Variants in SLFN5 observed in about 807,000 individuals in gnomAD.
SLFN5 encodes the protein schlafen family member 5.
A neutral mutation model predicts 48.5 loss-of-function variants in SLFN5; 34 were observed. The ratio of observed to expected loss-of-function variants is 0.70; its 90% CI spans 0.53 to 0.93. The LOEUF (loss-of-function observed/expected upper bound fraction) is 0.93, where lower values mean the gene tolerates loss of function less well. Among genes scored for constraint, SLFN5 ranks in the 40% least tolerant of loss-of-function variants. The pLI is 0.00. For synonymous variants in SLFN5, 387 were observed against 396.2 expected (o/e 0.98, Z 0.28); for missense variants, 1,006 against 1,071.3 (o/e 0.94, Z 0.85).
At position 35,265,251 on chromosome 17, in the gene SLFN5, G is replaced by T; in HGVS notation, c.2039G>T (p.Trp680Leu). 1.2e-6 allele frequency: 2 copies of T among 1,614,194 alleles called. No individual in the cohort carries two copies. The highest frequency in any genetic ancestry group is 1.7e-6 in the Non-Finnish European group (2 of 1,180,040). Residue 680 changes from tryptophan (W) to leucine (L), a missense_variant, in exon 5 of 5, where the codon TGG becomes TTG. By Grantham distance (61) the Trp-to-Leu change is moderately conservative. Coordinates refer to ENST00000299977, the MANE Select transcript of SLFN5 (RefSeq NM_144975.4). ...QTARDGPGVL[W>L]IFLDYFQTYH... The stretch of plus-strand genomic sequence containing the variant: ...GCAAGGGATGGCCCAGGAGTTCTCT[G>T]GATCTTTCTGGACTACTTTCAGACC...
Position 35,270,624 on chromosome 17 carries a change from A to G in SLFN5, c.*4736A>G, listed in dbSNP as rs1263230550. 6.6e-6 allele frequency: 1 copy of G among 152,252 alleles called. No individual in the cohort carries two copies. The highest frequency in any genetic ancestry group is 6.5e-5 in the Admixed American group (1 of 15,284). The allele number at this position is 152,252 out of a possible 1,614,324, so 9.4% of individuals were successfully genotyped here. On this transcript the variant is annotated 3_prime_UTR_variant, in exon 5 of 5. Transcript: ENST00000299977. Reference sequence around the variant, plus strand: ...GTTGGCCAGACCAAAGCCTAGAACTAAAAAACCCATACCTCAGGGTTTGTC... The same window carrying G: ...GTTGGCCAGACCAAAGCCTAGAACTGAAAAACCCATACCTCAGGGTTTGTC...
rs1287328225 is a variant in SLFN5 at position 35,264,219 on chromosome 17, T to A, written c.1175T>A (p.Leu392His). ...SDRVVYTPES[L>H]YKELFSQHKG... Reference sequence around the variant, plus strand: ...AGAGTGGTATATACTCCAGAAAGCCTCTACAAGGAACTCTTCTCACAACAT... The same window carrying A: ...AGAGTGGTATATACTCCAGAAAGCCACTACAAGGAACTCTTCTCACAACAT... Residue 392 changes from leucine (L) to histidine (H), a missense_variant, in exon 4 of 5, where the codon CTC becomes CAC. By Grantham distance (99) the Leu-to-His change is moderately conservative. Transcript: ENST00000299977. 3.7e-6 allele frequency: 6 copies of A among 1,612,868 alleles called. No homozygotes were observed. Among genetic ancestry groups the A allele is most frequent in the Non-Finnish European group, 5.1e-6 (6 of 1,179,668 alleles).
In SLFN5 at chr17:35,270,512, A is replaced by G. The variant is rs1345507767; in HGVS notation, c.*4624A>G. 6.6e-6 allele frequency: 1 copy of G among 152,302 alleles called. No homozygotes were observed. Among genetic ancestry groups the G allele is most frequent in the Non-Finnish European group, 1.5e-5 (1 of 68,080 alleles). The allele number at this position is 152,302 out of a possible 1,614,324, so 9.4% of individuals were successfully genotyped here. ...ACTGAGGCTGGCACCACCACAGGCC[A>G]GGACAACCGTTGTCACAAAGCCAGG... On this transcript the variant is annotated 3_prime_UTR_variant, in exon 5 of 5. Coordinates refer to ENST00000299977, the MANE Select transcript of SLFN5 (RefSeq NM_144975.4).
rs1017021127 is a variant in SLFN5, at chr17:35,271,923, C to T, written c.*6035C>T. On this transcript the variant is annotated 3_prime_UTR_variant, in exon 5 of 5. Coordinates refer to ENST00000299977, the MANE Select transcript of SLFN5 (RefSeq NM_144975.4). ...GTGTGCACCTATAGTCCTAGCTACT[C>T]GGGAGGCTGAGGTGGGAGAATCACC... 1.3e-5 allele frequency: 2 copies of T among 151,840 alleles called. No individual in the cohort carries two copies. The highest frequency in any genetic ancestry group is 2.9e-5 in the Non-Finnish European group (2 of 68,046). The allele number at this position is 151,840 out of a possible 1,614,324, so 9.4% of individuals were successfully genotyped here.
chr17:35,248,564 A>G (rs1323691285), intron 1 of SLFN5, among the ~76,000 whole-genome samples: 2 of 151,794 alleles, frequency 1.3e-5, no homozygotes, highest in Non-Finnish European at 2.9e-5. Flanking sequence ...TCTCTCTCCT[A>G]TACTTCAGTC....
intron 1 of SLFN5, among the ~76,000 whole-genome samples, chr17:35,258,341 A>G (rs1442492248): frequency 2.0e-5 from 3 of 152,220 alleles, no homozygotes; most frequent in Non-Finnish European, 4.4e-5. Flanking sequence ...CAGGCAAGAT[A>G]GAAATGAAAG....
In SLFN5 at chr17:35,260,961, G is replaced by A; in HGVS notation, c.1013-10G>A. The A allele has an allele frequency of 1.2e-6, 2 of 1,612,632 alleles. No homozygotes were observed. The highest frequency in any genetic ancestry group is 1.7e-6 in the Non-Finnish European group (2 of 1,179,240). ...TTTGCATATTGAATCCTTGGTTCTT[G>A]TTTCCTAAGACCTTTCCAGGTGTCC... On this transcript the variant is annotated splice_polypyrimidine_tract_variant and intron_variant, in intron 2 of 4. Transcript: ENST00000299977.
intron 1 of SLFN5, among the ~76,000 whole-genome samples, chr17:35,257,372 A>G (rs1345751104): frequency 3.3e-5 from 5 of 152,168 alleles, no homozygotes; most frequent in Non-Finnish European, 5.9e-5. Context: ...GGTCTTAGAT[A>G]CAATTAATTT....
intron 1 of SLFN5, among the ~76,000 whole-genome samples, chr17:35,251,407 T>C (rs1255659141): frequency 6.6e-6 from 1 of 152,140 alleles, no homozygotes; most frequent in Non-Finnish European, 1.5e-5. Flanking sequence ...TTTTTTTTGT[T>C]TGTTTTTTTG....
In SLFN5 at chr17:35,265,682, G is replaced by C; in HGVS notation, c.2470G>C (p.Asp824His). ...RKLSQLHEES[D>H]LLLQIGDASD... Reference sequence around the variant, plus strand: ...ACTGTCTCAGCTCCATGAGGAGTCTGATCTGTTACTACAGATCGGTGATGC... The same window carrying C: ...ACTGTCTCAGCTCCATGAGGAGTCTCATCTGTTACTACAGATCGGTGATGC... Residue 824 changes from aspartate to histidine, a missense_variant, in exon 5 of 5, where the codon GAT becomes CAT. By Grantham distance (81) the Asp-to-His change is moderately conservative. Transcript: ENST00000299977. The C allele has an allele frequency of 1.2e-6, 2 of 1,614,218 alleles. No homozygotes were observed. The highest frequency in any genetic ancestry group is 1.7e-6 in the Non-Finnish European group (2 of 1,180,016).
intron 1 of SLFN5, among the ~76,000 whole-genome samples, chr17:35,258,298 G>A (rs1227546956): frequency 2.6e-5 from 4 of 152,112 alleles, no homozygotes; most frequent in Non-Finnish European, 2.9e-5. Flanking sequence ...TGACAATCAC[G>A]GTGGACGGTG....
chr17:35,261,706 G>A (rs112224217), intron 3 of SLFN5, among the ~76,000 whole-genome samples: 17,151 of 124,088 alleles, frequency 0.14, 1,054 homozygotes, highest in Admixed American at 0.17. Context: ...ATGAAGTTTC[G>A]CTCTTGTTGC....
Position 35,272,032 on chromosome 17 carries a change from C to CAA in SLFN5, c.*6156_*6157dup, listed in dbSNP as rs35344637. ...GGGCAGCCAGAGTGAGACCCTGTCT[C>CAA]AAAAAAAAAAAAATTATTGGAAACT... On this transcript the variant is annotated 3_prime_UTR_variant, in exon 5 of 5. Coordinates refer to ENST00000299977, the MANE Select transcript of SLFN5 (RefSeq NM_144975.4). 3.5e-5 allele frequency: 5 copies of CAA among 141,454 alleles called. No homozygotes were observed. The highest frequency in any genetic ancestry group is 7.6e-5 in the African/African-American group (3 of 39,288). 8.8% of individuals were successfully genotyped at this position (141,454 alleles called of 1,614,324 possible). A position where few individuals can be genotyped will look rare whatever the true frequency, so the allele number is the denominator to read the frequency against.
chr17:35,257,240 C>T (rs919880002), intron 1 of SLFN5, among the ~76,000 whole-genome samples: 2 of 152,164 alleles, frequency 1.3e-5, no homozygotes, highest in African/African-American at 4.8e-5. Flanking sequence ...GAACAGTAAT[C>T]AAGTATCACT....
At chr17:35,262,867 C>G (rs1019597237) in intron 3 of SLFN5, among the ~76,000 whole-genome samples, 7 of 151,646 alleles carry the variant, frequency 4.6e-5, no homozygotes, top group Non-Finnish European at 8.8e-5. Context: ...CCGTCCCCCC[C>G]AAAAAAAAGT....
At chr17:35,247,761 A>G (rs2092434008) in intron 1 of SLFN5, among the ~76,000 whole-genome samples, 1 of 152,230 alleles carries the variant, frequency 6.6e-6, no homozygotes, top group African/African-American at 2.4e-5. Flanking sequence ...AGGGTCAGAC[A>G]TAGGCATAGG....
rs765189120 is a variant in SLFN5, at chr17:35,265,128, A to G, written c.1916A>G (p.Asn639Ser). ...PVTRKTFMKN[N>S]FEHIQHIIID... ...ACCCGGAAAACCTTCATGAAAAACAACTTTGAACACATCCAGCACATTATC... is the reference window on the plus strand; with the variant it reads ...ACCCGGAAAACCTTCATGAAAAACAGCTTTGAACACATCCAGCACATTATC... The change falls in exon 5 of 5, where the codon AAC becomes AGC. Residue 639 changes from asparagine to serine, a missense_variant. Coordinates refer to ENST00000299977, the MANE Select transcript of SLFN5 (RefSeq NM_144975.4). 1.2e-6 allele frequency: 2 copies of G among 1,614,150 alleles called. No individual in the cohort carries two copies. The highest frequency in any genetic ancestry group is 2.2e-5 in the South Asian group (2 of 91,036).
In SLFN5 at chr17:35,258,643, T is replaced by G; in HGVS notation, c.-40-8T>G. On this transcript the variant is annotated splice_region_variant and splice_polypyrimidine_tract_variant and intron_variant, in intron 1 of 4. Coordinates refer to ENST00000299977, the MANE Select transcript of SLFN5 (RefSeq NM_144975.4). ...CTGTTCTAATGGTTCTATCTTTCTG[T>G]TTTTCAGGAGAACATTTCAGGATAG... The G allele has an allele frequency of 1.3e-6, 2 of 1,568,484 alleles. No individual in the cohort carries two copies. Among genetic ancestry groups the G allele is most frequent in the Non-Finnish European group, 1.7e-6 (2 of 1,157,226 alleles).
chr17:35,247,572 C>CT (rs879936036), intron 1 of SLFN5, among the ~76,000 whole-genome samples: 97 of 152,146 alleles, frequency 6.4e-4, no homozygotes, highest in South Asian at 1.5e-3. Context: ...CTGAATGTCT[C>CT]TTTTTTTTGA....
Sources: allele counts gnomAD v4.1 joint callset (sites outside exome capture counted in the v4.1 genomes callset), GRCh38; gene constraint gnomAD v4.1.1; transcripts MANE v1.5; gene names NCBI Gene and HGNC (gene_info 2026-07-23, HGNC 2026-07-21).